ARHGAP10: variants seen among roughly 807,000 people sequenced by gnomAD.
ARHGAP10 encodes rho GTPase-activating protein 10.
Under a neutral mutation model 108.6 loss-of-function variants are expected in ARHGAP10, and 87 were observed. The ratio of observed to expected loss-of-function variants is 0.80; its 90% confidence interval spans 0.67 to 0.96. ARHGAP10 has a LOEUF of 0.96. Ranked by LOEUF, ARHGAP10 falls within the 40% of genes least tolerant of loss-of-function variation. The pLI is 0.00. For synonymous variants in ARHGAP10, 347 were observed against 341.1 expected (o/e 1.02, Z -0.19); for missense variants, 939 against 954.5 (o/e 0.98, Z 0.21).
intron 12 of ARHGAP10, among the ~76,000 whole-genome samples, chr4:147,912,315 A>G (rs1173658658): frequency 6.6e-6 from 1 of 151,522 alleles, no homozygotes; most frequent in African/African-American, 2.4e-5. Flanking sequence ...CAAAGTGGTC[A>G]GATCACCTGA....
intron 1 of ARHGAP10, among the ~76,000 whole-genome samples, chr4:147,763,897 G>A (rs769982059): frequency 6.6e-6 from 1 of 152,092 alleles, no homozygotes; most frequent in Non-Finnish European, 1.5e-5. Flanking sequence ...TGGGATTACA[G>A]GCGTACGCCG....
chr4:147,850,546 G>T (rs549723212), intron 4 of ARHGAP10, among the ~76,000 whole-genome samples: 1 of 152,286 alleles, frequency 6.6e-6, no homozygotes, highest in East Asian at 1.9e-4. Flanking sequence ...TCACTGCAAA[G>T]GTCTGCGGCT....
At chr4:147,870,053 ATTTG>A (rs772817498) in intron 7 of ARHGAP10, among the ~76,000 whole-genome samples, 58 of 132,936 alleles carry the variant, frequency 4.4e-4, no homozygotes, top group African/African-American at 1.1e-3. Flanking sequence ...TGTTTCATTT[ATTTG>A]TTTGTTTGAG....
chr4:147,888,813 G>A (rs2126882715), intron 10 of ARHGAP10, among the ~76,000 whole-genome samples: 1 of 152,292 alleles, frequency 6.6e-6, no homozygotes, highest in East Asian at 1.9e-4. Flanking sequence ...AAATCTGCTG[G>A]CAGAAGGTGA....
intron 1 of ARHGAP10, among the ~76,000 whole-genome samples, chr4:147,786,199 A>T (rs1730882806): frequency 6.6e-6 from 1 of 152,180 alleles, no homozygotes; most frequent in Non-Finnish European, 1.5e-5. Flanking sequence ...ATTAGCTGGT[A>T]GCTGGAGAGC....
At chr4:147,876,859 A>C (rs1329524085) in intron 8 of ARHGAP10, among the ~76,000 whole-genome samples, 1 of 152,202 alleles carries the variant, frequency 6.6e-6, no homozygotes, top group Non-Finnish European at 1.5e-5. Flanking sequence ...AGTATAAGGT[A>C]CTATTACTGT....
At chr4:147,914,689 T>A (rs1736892190) in intron 13 of ARHGAP10, among the ~76,000 whole-genome samples, 1 of 152,028 alleles carries the variant, frequency 6.6e-6, no homozygotes, top group Non-Finnish European at 1.5e-5. Context: ...GATACTTAGC[T>A]CTGTAAATTT....
chr4:148,071,209 T>G (rs1220419164), intron 22 of ARHGAP10, among the ~76,000 whole-genome samples: 2 of 152,230 alleles, frequency 1.3e-5, no homozygotes, highest in Non-Finnish European at 2.9e-5. Context: ...TTGGGATTTC[T>G]CTGGATGATT....
intron 1 of ARHGAP10, among the ~76,000 whole-genome samples, chr4:147,751,573 C>T (rs1435938392): frequency 6.6e-6 from 1 of 151,900 alleles, no homozygotes; most frequent in Non-Finnish European, 1.5e-5. Flanking sequence ...ACCATGTTGG[C>T]CAGGCTGGTC....
At chr4:147,765,242 A>G (rs1160336646) in intron 1 of ARHGAP10, among the ~76,000 whole-genome samples, 4 of 151,592 alleles carry the variant, frequency 2.6e-5, no homozygotes, top group African/African-American at 9.7e-5. Flanking sequence ...TGAAGTTTAC[A>G]TAATTCACAG....
In ARHGAP10 at chr4:147,946,651, T is replaced by C. The variant is rs1738392099; in HGVS notation, c.1338T>C (p.Asn446=). 1.2e-6 allele frequency: 2 copies of C among 1,612,792 alleles called. No homozygotes were observed. Among genetic ancestry groups the C allele is most frequent in the African/African-American group, 1.3e-5 (1 of 74,876 alleles). The stretch of plus-strand genomic sequence containing the variant: ...CATGCAATGAGGTGGACCTGGAGAA[T>C]TCTGCAGATTGGGAAGTGAAGACAA... ...VKTCNEVDLE[N]SADWEVKTIT... Residue 446 remains asparagine (N), a synonymous_variant, in exon 15 of 23, where the codon AAT becomes AAC. Transcript: ENST00000336498.
chr4:147,792,378 C>G (rs1170078806), intron 1 of ARHGAP10, among the ~76,000 whole-genome samples: 1 of 152,188 alleles, frequency 6.6e-6, no homozygotes, highest in African/African-American at 2.4e-5. Flanking sequence ...TTCCTTCCCT[C>G]CTTCTTTATT....
intron 1 of ARHGAP10, among the ~76,000 whole-genome samples, chr4:147,742,075 G>A (rs1365203828): frequency 2.6e-5 from 4 of 152,052 alleles, no homozygotes; most frequent in Non-Finnish European, 4.4e-5. Flanking sequence ...GCAAGTCATG[G>A]TGAGATGTGT....
At chr4:147,761,316 G>T (rs937270934) in intron 1 of ARHGAP10, among the ~76,000 whole-genome samples, 1 of 152,102 alleles carries the variant, frequency 6.6e-6, no homozygotes, top group Non-Finnish European at 1.5e-5. Flanking sequence ...TGCACCCGGC[G>T]TAATCTCTAT....
chr4:147,963,734 C>T (rs151309015), intron 16 of ARHGAP10, among the ~76,000 whole-genome samples: 4 of 152,296 alleles, frequency 2.6e-5, no homozygotes, highest in East Asian at 1.9e-4. Flanking sequence ...TTGGGAGGGC[C>T]GTGCTCCCTC....
At chr4:147,906,540 TA>T in intron 10 of ARHGAP10, 97 bp from the exon 11 acceptor site, 1 of 1,105,282 alleles carries the variant, frequency 9.0e-7, no homozygotes, top group Non-Finnish European at 1.3e-6. Flanking sequence ...TTACCACAGA[TA>T]AAAGTAAAAA....
At chr4:147,955,503 T>A in intron 16 of ARHGAP10, 129 bp downstream of exon 16, 1 of 752,062 alleles carries the variant, frequency 1.3e-6, no homozygotes, top group Non-Finnish European at 2.2e-6. Context: ...CTTTAAATGA[T>A]GTTTGGTGCC....
chr4:147,749,627 A>G (rs1729062713), intron 1 of ARHGAP10, among the ~76,000 whole-genome samples: 1 of 152,222 alleles, frequency 6.6e-6, no homozygotes, highest in South Asian at 2.1e-4. Flanking sequence ...TTAAGCATCT[A>G]GAAAAGTTGT....
At chr4:147,870,078 G>T (rs137976507) in intron 7 of ARHGAP10, among the ~76,000 whole-genome samples, 1 of 148,586 alleles carries the variant, frequency 6.7e-6, no homozygotes, top group African/African-American at 2.5e-5. Flanking sequence ...AGGGAGTCTC[G>T]CCCTGTCACC....
Sources: gnomAD v4.1 joint callset for allele counts (sites outside exome capture counted in the v4.1 genomes callset) on GRCh38, gnomAD v4.1.1 for gene constraint, MANE v1.5 for transcripts, NCBI Gene and HGNC (gene_info 2026-07-23, HGNC 2026-07-21) for gene names.